XIST: variants seen among roughly 807,000 people sequenced by gnomAD.
XIST encodes the protein X inactive specific transcript (non-protein coding).
exon 6 of XIST, chrX:73,824,634 A>G (rs754067499): frequency 5.4e-6 from 3 of 555,176 alleles, no homozygotes; most frequent in Admixed American, 4.5e-5. Flanking sequence ...TAGCTTACAG[A>G]AAGTTTTATT....
exon 1 of XIST, chrX:73,852,416 A>G: frequency 1.8e-6 from 1 of 549,220 alleles, no homozygotes; most frequent in Non-Finnish European, 3.3e-6. Flanking sequence ...AGAGTAAAAA[A>G]CTGATCCACA....
chrX:73,825,813 C>T (rs1441970992), exon 6 of XIST: 1 of 537,378 alleles, frequency 1.9e-6, no homozygotes, highest in African/African-American at 2.2e-5. Context: ...ATTGGTTTTT[C>T]TCTTATGTTT....
chrX:73,850,926 A>T (rs1341148325), exon 1 of XIST: 1 of 555,799 alleles, frequency 1.8e-6, no homozygotes, highest in Non-Finnish European at 3.2e-6. Flanking sequence ...GTCCTTGAAA[A>T]GACCTTGAAA....
chrX:73,849,008 G>A (rs1922845419), exon 1 of XIST: 1 of 557,239 alleles, frequency 1.8e-6, no homozygotes, highest in African/African-American at 2.2e-5. Flanking sequence ...CAGTCCCACT[G>A]CTGTTATGCA....
At chrX:73,843,220 A>G (rs775805802) in exon 1 of XIST, 2 of 558,853 alleles carry the variant, frequency 3.6e-6, no homozygotes, top group East Asian at 3.2e-5. Flanking sequence ...ATACTAGGGC[A>G]TAATATCCCA....
exon 1 of XIST, chrX:73,841,788 ATAAT>A (rs1218827201): frequency 6.1e-6 from 3 of 494,923 alleles, no homozygotes; most frequent in Non-Finnish European, 1.1e-5. Context: ...ATTTTATATA[ATAAT>A]TAATAAAAAA....
exon 1 of XIST, chrX:73,847,945 A>G: frequency 1.8e-6 from 1 of 559,249 alleles, no homozygotes; most frequent in South Asian, 2.2e-5. Flanking sequence ...TCTGAAAGAC[A>G]TTGTTGTGAT....
chrX:73,833,684 A>G (rs1160574553), intron 2 of XIST: 1 of 146,096 alleles, frequency 6.8e-6, no homozygotes, highest in African/African-American at 3.1e-5. Context: ...AAATACTTCA[A>G]GATTCAAGGT....
intron 2 of XIST, among the ~76,000 whole-genome samples, chrX:73,835,149 G>A (rs757448972): frequency 8.2e-5 from 9 of 110,222 alleles, no homozygotes; most frequent in Non-Finnish European, 1.5e-4. Context: ...TTAACTGTGG[G>A]GTCTGTGCAT....
rs756438943 is a variant in XIST at position 73,844,936 on chromosome X, G to C, written n.7788C>G. On this transcript the variant is annotated non_coding_transcript_exon_variant, in exon 1 of 6. Transcript: ENST00000429829. ...CAGAAGGGAAAGGAAGATTGAGGGTGGGGTGGGGCAGGGGAGGCTTCCATG... is the reference window on the plus strand; with the variant it reads ...CAGAAGGGAAAGGAAGATTGAGGGTCGGGTGGGGCAGGGGAGGCTTCCATG... The C allele has an allele frequency of 7.2e-6, 4 of 554,934 alleles. No homozygotes were observed. The African/African-American group carries it at 9.1e-5, about 13-fold the overall frequency. The allele number at this position is 554,934 out of a possible 1,213,427, so 45.7% of individuals were successfully genotyped here. A position where few individuals can be genotyped will look rare whatever the true frequency, so the allele number is the denominator to read the frequency against.
At chrX:73,832,477 T>A (rs983695565) in intron 3 of XIST, among the ~76,000 whole-genome samples, 2 of 111,996 alleles carry the variant, frequency 1.8e-5, no homozygotes, top group African/African-American at 6.5e-5. Flanking sequence ...CAATTGTTTT[T>A]CAAGCTAAGA....
At chrX:73,825,716 A>C (rs1360522046) in exon 6 of XIST, 1 of 515,307 alleles carries the variant, frequency 1.9e-6, no homozygotes. Context: ...GACCCCTTAC[A>C]GAAAAACTGT....
exon 1 of XIST, chrX:73,852,668 G>GAGATCTTCAGTCAGGAAGCTTCC: frequency 2.1e-6 from 1 of 473,558 alleles, no homozygotes; most frequent in South Asian, 3.2e-5. Flanking sequence ...CAAGTGCAGA[G>GAGATCTTCAGTCAGGAAGCTTCC]AGATCTTCAG....
At chrX:73,828,175 C>A (rs993609087) in intron 5 of XIST, 2 of 386,914 alleles carry the variant, frequency 5.2e-6, no homozygotes, top group African/African-American at 5.1e-5. Context: ...ATAATAACAA[C>A]CACCAATACC....
exon 1 of XIST, chrX:73,852,170 G>A (rs1464858584): frequency 1.9e-6 from 1 of 532,549 alleles, no homozygotes; most frequent in Non-Finnish European, 3.3e-6. Flanking sequence ...TTAAAAAGCA[G>A]ATATCCGTCA....
rs769860953 is a variant in XIST at position 73,832,063 on chromosome X, G to C, written n.11544-789C>G. Among the ~76,000 whole-genome samples the C allele has an allele frequency of 4.5e-5, 5 of 112,339 alleles. No homozygotes were observed. In the East Asian group the frequency reaches 1.4e-3, roughly 32 times the overall value. ...GTTATAACAACAGCTGGCCAGGCGT[G>C]GTGGCTCACGCCTGTAATCCCAGCA... is the stretch of plus-strand genomic sequence containing the variant. On this transcript the variant is annotated intron_variant and non_coding_transcript_variant, in intron 3 of 5. Transcript: ENST00000429829.
chrX:73,834,634 G>C (rs1395228962), intron 2 of XIST, among the ~76,000 whole-genome samples: 3 of 111,899 alleles, frequency 2.7e-5, no homozygotes, highest in Non-Finnish European at 5.6e-5. Context: ...GGCACAGCCA[G>C]CCATCTGGTT....
exon 6 of XIST, chrX:73,822,823 C>T: frequency 1.8e-6 from 1 of 558,617 alleles, no homozygotes; most frequent in Non-Finnish European, 3.2e-6. Flanking sequence ...CTCTACAACG[C>T]ATGTCAAAGG....
chrX:73,829,216 T>C (rs1922328191), exon 5 of XIST: 1 of 556,936 alleles, frequency 1.8e-6, no homozygotes, highest in Non-Finnish European at 3.2e-6. Flanking sequence ...ATTTGGCAGA[T>C]AGGAACAATG....
Sources: allele counts gnomAD v4.1 joint callset (sites outside exome capture counted in the v4.1 genomes callset), GRCh38; gene constraint gnomAD v4.1.1; transcripts MANE v1.5; gene names NCBI Gene and HGNC (gene_info 2026-07-23, HGNC 2026-07-21).